DCBLD2: variants seen among roughly 807,000 people sequenced by gnomAD.
The protein encoded by DCBLD2 is discoidin, CUB and LCCL domain-containing protein 2.
Under a neutral mutation model 86.8 loss-of-function variants are expected in DCBLD2, and 54 were observed. The ratio of observed to expected loss-of-function variants is 0.62; its 90% CI spans 0.50 to 0.78. The LOEUF is 0.78. Among genes scored for constraint, DCBLD2 ranks in the 30% least tolerant of loss-of-function variants. DCBLD2 has a pLI of 0.00. For missense variants in DCBLD2, 908 were observed against 954.2 expected (o/e 0.95, Z 0.64); for synonymous variants, 354 against 341.3 (o/e 1.04, Z -0.41).
At chr3:98,820,153 G>T in intron 7 of DCBLD2, 95 bp downstream of exon 7, 1 of 727,894 alleles carries the variant, frequency 1.4e-6, no homozygotes, top group South Asian at 6.1e-5. Context: ...ACAACTACGT[G>T]AGAAAGTACA....
chr3:98,880,725 A>G (rs34848749), intron 2 of DCBLD2, among the ~76,000 whole-genome samples: 9,296 of 152,238 alleles, frequency 0.061, 344 homozygotes, highest in Non-Finnish European at 0.071. Context: ...TAAGCACGTT[A>G]CACATACTAG....
At chr3:98,876,411 GTAAAAAAA>G (rs1943370854) in intron 2 of DCBLD2, among the ~76,000 whole-genome samples, 2 of 2,334 alleles carry the variant, frequency 8.6e-4, no homozygotes, top group East Asian at 6.5e-3. Context: ...GAGATAAAAA[GTAAAAAAA>G]AAAAAAAAAA....
chr3:98,870,073 G>A (rs535533030), intron 2 of DCBLD2, among the ~76,000 whole-genome samples: 2 of 152,270 alleles, frequency 1.3e-5, no homozygotes, highest in African/African-American at 4.8e-5. Context: ...AGAGCAAATG[G>A]GGAAAGGGTT....
At chr3:98,810,202 T>C (rs150388120) in intron 12 of DCBLD2, among the ~76,000 whole-genome samples, 1 of 152,356 alleles carries the variant, frequency 6.6e-6, no homozygotes, top group Non-Finnish European at 1.5e-5. Flanking sequence ...TCCAGGCATG[T>C]GGTCTGGGAT....
At chr3:98,898,683 AG>A (rs1464887673) in intron 1 of DCBLD2, among the ~76,000 whole-genome samples, 3 of 152,140 alleles carry the variant, frequency 2.0e-5, no homozygotes, top group Non-Finnish European at 2.9e-5. Context: ...ACTTCTTTTC[AG>A]GTTATGTGAG....
chr3:98,878,381 G>A (rs984023168), intron 2 of DCBLD2, among the ~76,000 whole-genome samples: 6 of 152,020 alleles, frequency 3.9e-5, no homozygotes, highest in African/African-American at 1.4e-4. Flanking sequence ...CACATCCCAC[G>A]AAATCATTAG....
chr3:98,867,156 G>C (rs1367608734), intron 2 of DCBLD2, among the ~76,000 whole-genome samples: 1 of 152,204 alleles, frequency 6.6e-6, no homozygotes, highest in Non-Finnish European at 1.5e-5. Context: ...CTCCCGCTTT[G>C]TTCTTTTGGC....
At chr3:98,859,003 G>A (rs1438477578) in intron 2 of DCBLD2, among the ~76,000 whole-genome samples, 2 of 152,180 alleles carry the variant, frequency 1.3e-5, no homozygotes, top group Non-Finnish European at 2.9e-5. Context: ...GATGGCACCT[G>A]GAAAATCGGG....
chr3:98,886,588 A>G (rs1032220218), intron 1 of DCBLD2, among the ~76,000 whole-genome samples: 2 of 152,156 alleles, frequency 1.3e-5, no homozygotes, highest in East Asian at 1.9e-4. Flanking sequence ...CCACCAGACT[A>G]TAACTGATCA....
At chr3:98,866,111 G>A (rs1159935228) in intron 2 of DCBLD2, among the ~76,000 whole-genome samples, 1 of 151,984 alleles carries the variant, frequency 6.6e-6, no homozygotes, top group Admixed American at 6.6e-5. Flanking sequence ...GTCTATCATT[G>A]ATGGACATCT....
rs538204152 is a variant in DCBLD2 at position 98,838,914 on chromosome 3, C to CA, written c.571+10546dup. On this transcript the variant is annotated intron_variant, in intron 3 of 15. Transcript: ENST00000326840. ...AGTCAGGCGTGGCGGCGCGTGCCTG[C>CA]AATCGCAGGCATTCGGCAGACTGAG... Among the ~76,000 whole-genome samples, 939 of 151,820 alleles carry CA rather than the reference C, an allele frequency of 6.2e-3. 11 individuals are homozygous for CA. Among genetic ancestry groups the CA allele is most frequent in the African/African-American group, 0.021 (886 of 41,432 alleles).
At chr3:98,848,336 T>C (rs1323916716) in intron 3 of DCBLD2, among the ~76,000 whole-genome samples, 2 of 152,232 alleles carry the variant, frequency 1.3e-5, no homozygotes, top group African/African-American at 4.8e-5. Context: ...TATTCCATGG[T>C]ATACATGTCC....
At chr3:98,857,413 T>C (rs1942953574) in intron 2 of DCBLD2, among the ~76,000 whole-genome samples, 1 of 151,952 alleles carries the variant, frequency 6.6e-6, no homozygotes, top group South Asian at 2.1e-4. Flanking sequence ...GCTTTTATTC[T>C]CTTATCTGGC....
chr3:98,821,031 G>GGGC (rs1177835414), intron 6 of DCBLD2: 3 of 150,624 alleles, frequency 2.0e-5, no homozygotes, highest in Non-Finnish European at 3.0e-5. Flanking sequence ...TACCAGGGAT[G>GGGC]GGCAAATGAC....
At chr3:98,825,643 T>TTATATATATATATATATATATATATA (rs56736194) in intron 3 of DCBLD2, among the ~76,000 whole-genome samples, 5 of 115,086 alleles carry the variant, frequency 4.3e-5, no homozygotes, top group East Asian at 4.0e-4. Context: ...ATATGTGTAT[T>TTATATATATATATATATATATATATA]TATATATATA....
chr3:98,864,603 A>G (rs191355936), intron 2 of DCBLD2, among the ~76,000 whole-genome samples: 1 of 152,234 alleles, frequency 6.6e-6, no homozygotes, highest in Admixed American at 6.5e-5. Context: ...CTATCGCAAG[A>G]ACAAAAAACC....
rs34009011 is a variant in DCBLD2, at chr3:98,831,206, A to ATT, written c.572-5842_572-5841dup. Among the ~76,000 whole-genome samples the ATT allele has an allele frequency of 8.9e-4, 124 of 138,950 alleles. 1 individual carries two copies. The highest frequency in any genetic ancestry group is 3.8e-3 in the Middle Eastern group (1 of 264). 91.2% of individuals were successfully genotyped at this position (138,950 alleles called of 152,430 possible). On this transcript the variant is annotated intron_variant, in intron 3 of 15. Transcript: ENST00000326840. Reference sequence around the variant, plus strand: ...AGGCACATGCCACCATGCTGAGCTAATTTTTTTTTTTTTTTTGGTATTTTT... The same window carrying ATT: ...AGGCACATGCCACCATGCTGAGCTAATTTTTTTTTTTTTTTTTTGGTATTTTT...
intron 3 of DCBLD2, among the ~76,000 whole-genome samples, chr3:98,844,483 C>G (rs1227258098): frequency 6.6e-6 from 1 of 151,670 alleles, no homozygotes; most frequent in Admixed American, 6.6e-5. Flanking sequence ...TGCCTCAGCC[C>G]CCTGAGTAGC....
chr3:98,857,083 A>G (rs1942944915), intron 2 of DCBLD2, among the ~76,000 whole-genome samples: 1 of 152,026 alleles, frequency 6.6e-6, no homozygotes, highest in African/African-American at 2.4e-5. Flanking sequence ...ATGTGTTTGG[A>G]GTTTCTTCCT....
Sources: allele counts gnomAD v4.1 joint callset (sites outside exome capture counted in the v4.1 genomes callset), GRCh38; gene constraint gnomAD v4.1.1; transcripts MANE v1.5; gene names NCBI Gene and HGNC (gene_info 2026-07-23, HGNC 2026-07-21).